KCNIP4: variants seen among roughly 807,000 people sequenced by gnomAD.
KCNIP4 encodes the protein potassium voltage-gated channel interacting protein 4, also known as Kv channel-interacting protein 4.
Under a neutral mutation model 34.0 loss-of-function variants are expected in KCNIP4, and 12 were observed. The observed-to-expected ratio is 0.35, with a 90% CI of 0.23 to 0.57. The LOEUF is 0.57. Ranked by LOEUF, KCNIP4 falls within the 20% of genes least tolerant of loss-of-function variation. The probability of loss-of-function intolerance (pLI) is 0.83; values close to 1 mark genes in which losing one functional copy is unlikely to be tolerated. For missense variants in KCNIP4, 238 were observed against 311.7 expected, an observed-to-expected ratio of 0.76 and a Z score of 1.78; for synonymous variants, 124 against 102.2, an observed-to-expected ratio of 1.21 and a Z score of -1.29.
chr4:20,827,131 C>T (rs993002212), intron 3 of KCNIP4, among the ~76,000 whole-genome samples: 1 of 152,070 alleles, frequency 6.6e-6, no homozygotes, highest in African/African-American at 2.4e-5. Flanking sequence ...AGTGGAGTTC[C>T]CCTTCTTCTC....
intron 1 of KCNIP4, among the ~76,000 whole-genome samples, chr4:21,534,288 A>G (rs1736972730): frequency 6.6e-6 from 1 of 152,212 alleles, no homozygotes; most frequent in Admixed American, 6.5e-5. Context: ...CTTTACAGAC[A>G]CTGCAGTGCA....
At chr4:21,345,920 G>A (rs1717264480) in intron 1 of KCNIP4, among the ~76,000 whole-genome samples, 1 of 150,538 alleles carries the variant, frequency 6.6e-6, no homozygotes, top group African/African-American at 2.4e-5. Context: ...TTTGATGAAG[G>A]CAGGTGGCAT....
intron 1 of KCNIP4, among the ~76,000 whole-genome samples, chr4:21,764,048 G>T (rs1718235212): frequency 6.6e-6 from 1 of 152,074 alleles, no homozygotes; most frequent in Admixed American, 6.6e-5. Flanking sequence ...GAACAGTATG[G>T]TAAAGCCAGA....
chr4:20,971,253 TGAGA>T lies in KCNIP4; in HGVS notation c.62-88548_62-88545del, dbSNP rs1277086493. On this transcript the variant is annotated intron_variant, in intron 1 of 8. Coordinates refer to ENST00000382152, the MANE Select transcript of KCNIP4 (RefSeq NM_025221.6). ...GAGCCAGAGCCTCTTTTTTTCTGCC[TGAGA>T]AAGTCAAAGTATACTTCTCAGTATG... 3.9e-5 allele frequency among the ~76,000 whole-genome samples: 6 copies of T among 152,186 alleles called. No individual in the cohort carries two copies. The East Asian group carries it at 1.2e-3, about 29-fold the overall frequency.
chr4:20,808,810 A>G (rs1715388693), intron 3 of KCNIP4, among the ~76,000 whole-genome samples: 1 of 152,298 alleles, frequency 6.6e-6, no homozygotes, highest in African/African-American at 2.4e-5. Flanking sequence ...ACTAGTTAAG[A>G]CAGGTTCACC....
At chr4:20,773,392 G>T (rs1756084555) in intron 3 of KCNIP4, among the ~76,000 whole-genome samples, 1 of 152,158 alleles carries the variant, frequency 6.6e-6, no homozygotes, top group Non-Finnish European at 1.5e-5. Flanking sequence ...TAGTACTTCA[G>T]TGCTTCCGAG....
At chr4:20,861,759 C>T (rs1722221478) in intron 2 of KCNIP4, among the ~76,000 whole-genome samples, 1 of 151,934 alleles carries the variant, frequency 6.6e-6, no homozygotes, top group Admixed American at 6.6e-5. Context: ...TAATTGAATT[C>T]AATCACTTAT....
At position 21,347,464 on chromosome 4, in the gene KCNIP4, T is replaced by A. The variant is rs145994690; in HGVS notation, c.62-464755A>T. Among the ~76,000 whole-genome samples the A allele has an allele frequency of 1.5e-3, 232 of 152,242 alleles. 3 individuals carry two copies. The highest frequency in any genetic ancestry group is 5.4e-3 in the African/African-American group (223 of 41,564). ...ATCTCCCTCCAGTGTATTCCATGAG[T>A]TGAACTCAGCCATACGGCTGTCAGC... On this transcript the variant is annotated intron_variant, in intron 1 of 8. Coordinates refer to ENST00000382152, the MANE Select transcript of KCNIP4 (RefSeq NM_025221.6).
intron 1 of KCNIP4, among the ~76,000 whole-genome samples, chr4:21,532,439 C>T (rs962257582): frequency 2.6e-5 from 4 of 152,046 alleles, no homozygotes; most frequent in Admixed American, 6.6e-5. Context: ...TTAATAAAAA[C>T]ACCAAGTTAT....
At chr4:20,981,062 C>T (rs2149691311) in intron 1 of KCNIP4, among the ~76,000 whole-genome samples, 1 of 152,280 alleles carries the variant, frequency 6.6e-6, no homozygotes, top group East Asian at 1.9e-4. Context: ...TAGACAATGT[C>T]ATAGTCTAAA....
intron 1 of KCNIP4, among the ~76,000 whole-genome samples, chr4:21,649,218 G>A (rs1351920570): frequency 6.6e-6 from 1 of 152,162 alleles, no homozygotes; most frequent in Non-Finnish European, 1.5e-5. Flanking sequence ...AGAAGAGAAA[G>A]ATAATTAAAA....
intron 3 of KCNIP4, among the ~76,000 whole-genome samples, chr4:20,804,493 T>G (rs190709516): frequency 1.7e-4 from 26 of 152,306 alleles, no homozygotes; most frequent in Non-Finnish European, 3.1e-4. Context: ...ATAGCTCTTT[T>G]TCTTCTAAAA....
intron 1 of KCNIP4, among the ~76,000 whole-genome samples, chr4:21,295,213 C>A (rs891324568): frequency 6.6e-6 from 1 of 152,076 alleles, no homozygotes; most frequent in East Asian, 1.9e-4. Context: ...TTTTGGCTTG[C>A]GCTCACACGA....
At chr4:21,818,891 A>C (rs1722152442) in intron 1 of KCNIP4, among the ~76,000 whole-genome samples, 1 of 152,092 alleles carries the variant, frequency 6.6e-6, no homozygotes, top group African/African-American at 2.4e-5. Flanking sequence ...TTTTTTCTAC[A>C]AGTAGAGTAG....
At chr4:21,025,168 G>T (rs1740407834) in intron 1 of KCNIP4, among the ~76,000 whole-genome samples, 1 of 152,112 alleles carries the variant, frequency 6.6e-6, no homozygotes, top group African/African-American at 2.4e-5. Flanking sequence ...CATTTAAACT[G>T]CCAACTGTCA....
intron 1 of KCNIP4, among the ~76,000 whole-genome samples, chr4:21,365,519 AAATAAAAAATAAAGAAAGAAAAG>A (rs1164868861): frequency 6.2e-5 from 4 of 64,734 alleles, no homozygotes; most frequent in Non-Finnish European, 6.2e-5. Context: ...ATAAATAAAT[AAATAAAAAATAAAGAAAGAAAAG>A]AAAAAGAAAA....
chr4:21,628,890 T>C (rs1439182073), intron 1 of KCNIP4, among the ~76,000 whole-genome samples: 1 of 152,204 alleles, frequency 6.6e-6, no homozygotes, highest in African/African-American at 2.4e-5. Flanking sequence ...CCATAAATTA[T>C]CTTATTTAAA....
intron 1 of KCNIP4, among the ~76,000 whole-genome samples, chr4:21,528,780 G>A (rs200338249): frequency 0.046 from 491 of 10,662 alleles, 116 homozygotes; most frequent in African/African-American, 0.12. Context: ...AGAAAGAAAG[G>A]AAGAAAGGAA....
intron 1 of KCNIP4, among the ~76,000 whole-genome samples, chr4:21,854,239 G>A (rs531608728): frequency 2.6e-5 from 4 of 152,312 alleles, no homozygotes; most frequent in African/African-American, 4.8e-5. Flanking sequence ...CCTGCACTCA[G>A]CAGTGCAAAA....
Sources: allele counts gnomAD v4.1 joint callset (sites outside exome capture counted in the v4.1 genomes callset), GRCh38; gene constraint gnomAD v4.1.1; transcripts MANE v1.5; gene names NCBI Gene and HGNC (gene_info 2026-07-23, HGNC 2026-07-21).